Variants in ANO4 observed in about 807,000 individuals in gnomAD.
ANO4 encodes anoctamin 4.
In ANO4, 69 loss-of-function variants were observed where a neutral mutation model predicts 141.9. The observed-to-expected ratio is 0.49, with a 90% CI of 0.40 to 0.59. The LOEUF is 0.59. ANO4 is among the 20% of genes least tolerant of loss of function. The probability of loss-of-function intolerance (pLI) is 0.00; values close to 1 mark genes in which losing one functional copy is unlikely to be tolerated. For synonymous variants in ANO4, 350 were observed against 394.3 expected, an observed-to-expected ratio of 0.89 and a Z score of 1.33; for missense variants, 894 against 1,162.2, an observed-to-expected ratio of 0.77 and a Z score of 3.36.
chr12:100,947,424 A>C (rs1370733462), intron 5 of ANO4, among the ~76,000 whole-genome samples: 1 of 152,200 alleles, frequency 6.6e-6, no homozygotes, highest in Non-Finnish European at 1.5e-5. Flanking sequence ...TGGTAAGGCC[A>C]ACCCTTCACT....
chr12:100,842,928 G>T (rs990919659), intron 1 of ANO4, among the ~76,000 whole-genome samples: 1 of 152,126 alleles, frequency 6.6e-6, no homozygotes, highest in Admixed American at 6.5e-5. Flanking sequence ...TCAAACCATG[G>T]TATATTCTAA....
chr12:101,086,368 T>C (rs1242350778), intron 16 of ANO4, among the ~76,000 whole-genome samples: 1 of 152,168 alleles, frequency 6.6e-6, no homozygotes, highest in Non-Finnish European at 1.5e-5. Context: ...GATTTCCATA[T>C]GAATATTTGT....
At chr12:101,049,875 G>A (rs2047790627) in intron 14 of ANO4, among the ~76,000 whole-genome samples, 1 of 152,150 alleles carries the variant, frequency 6.6e-6, no homozygotes. Context: ...ACCACAGGTT[G>A]GTGAGTGGCC....
chr12:100,775,602 G>A (rs1593309282), intron 3 of ANO4, among the ~76,000 whole-genome samples: 1 of 152,102 alleles, frequency 6.6e-6, no homozygotes, highest in Non-Finnish European at 1.5e-5. Flanking sequence ...TAATGAAAAC[G>A]ATATGGATCT....
intron 7 of ANO4, among the ~76,000 whole-genome samples, chr12:100,985,378 T>G (rs2044663712): frequency 6.6e-6 from 1 of 152,360 alleles, no homozygotes; most frequent in Middle Eastern, 3.4e-3. Flanking sequence ...ATTTCCTGTA[T>G]ACCAGACAGT....
intron 2 of ANO4, among the ~76,000 whole-genome samples, chr12:100,737,496 A>G (rs1370348137): frequency 1.3e-5 from 2 of 152,142 alleles, no homozygotes; most frequent in Non-Finnish European, 2.9e-5. Context: ...CTTTGGCCCT[A>G]TCAGGCCCAC....
intron 26 of ANO4, among the ~76,000 whole-genome samples, chr12:101,122,331 C>T (rs139246527): frequency 6.6e-6 from 1 of 152,162 alleles, no homozygotes; most frequent in Non-Finnish European, 1.5e-5. Context: ...TTCTCCCATT[C>T]TGTACGGTGT....
chr12:101,088,509 C>A (rs1027458962), intron 17 of ANO4, among the ~76,000 whole-genome samples: 1 of 151,916 alleles, frequency 6.6e-6, no homozygotes, highest in East Asian at 1.9e-4. Context: ...AGAAGCTTTT[C>A]TTTATTTTGT....
At chr12:101,070,134 A>T (rs1331333963) in intron 14 of ANO4, among the ~76,000 whole-genome samples, 1 of 152,158 alleles carries the variant, frequency 6.6e-6, no homozygotes, top group Non-Finnish European at 1.5e-5. Flanking sequence ...TAAAAATACC[A>T]ATTATGTGCT....
intron 5 of ANO4, among the ~76,000 whole-genome samples, chr12:100,970,712 TC>T (rs2043893045): frequency 1.5e-5 from 2 of 137,850 alleles, no homozygotes; most frequent in African/African-American, 5.4e-5. Context: ...CTTCCTTCCT[TC>T]CTTCCTTCCT....
chr12:100,859,853 G>C (rs546730092), intron 1 of ANO4, among the ~76,000 whole-genome samples: 10 of 151,968 alleles, frequency 6.6e-5, no homozygotes, highest in Non-Finnish European at 1.0e-4. Flanking sequence ...CACATGAGAG[G>C]TACTGAATAA....
chr12:100,752,207 G>A (rs2032414946), intron 3 of ANO4, among the ~76,000 whole-genome samples: 1 of 151,946 alleles, frequency 6.6e-6, no homozygotes, highest in South Asian at 2.1e-4. Flanking sequence ...CCTGTGCTGG[G>A]CTTCGATGCT....
intron 9 of ANO4, among the ~76,000 whole-genome samples, chr12:101,025,899 C>T (rs1188815920): frequency 2.0e-5 from 3 of 152,148 alleles, no homozygotes; most frequent in African/African-American, 7.2e-5. Flanking sequence ...AAAAACTCAG[C>T]AAACTACTAA....
chr12:101,109,290 C>T (rs1035526544), intron 22 of ANO4, among the ~76,000 whole-genome samples: 6 of 152,102 alleles, frequency 3.9e-5, no homozygotes, highest in Non-Finnish European at 7.3e-5. Flanking sequence ...CGGCTGGGCA[C>T]GGTGACTCAC....
intron 5 of ANO4, 104 bp downstream of exon 5, chr12:100,942,639 T>G: frequency 8.0e-7 from 1 of 1,245,760 alleles, no homozygotes; most frequent in Non-Finnish European, 1.1e-6. Context: ...AACATTTCAT[T>G]TGGTCAGAGT....
At chr12:100,733,886 TA>T (rs1555211424) in intron 2 of ANO4, 2 of 675,790 alleles carry the variant, frequency 3.0e-6, no homozygotes, top group South Asian at 1.6e-5. Flanking sequence ...TTGATTTTTT[TA>T]AAAAAATATT....
intron 5 of ANO4, among the ~76,000 whole-genome samples, chr12:100,945,021 TGAA>T (rs1359199161): frequency 6.6e-6 from 1 of 152,132 alleles, no homozygotes; most frequent in Non-Finnish European, 1.5e-5. Context: ...GGACATAAAA[TGAA>T]GAACTTAGTT....
intron 3 of ANO4, among the ~76,000 whole-genome samples, chr12:100,771,321 A>G (rs1046037028): frequency 5.3e-5 from 8 of 152,214 alleles, no homozygotes; most frequent in Admixed American, 2.0e-4. Flanking sequence ...TGCATAGACC[A>G]GACGGATCTG....
In ANO4 at chr12:100,933,967, G is replaced by C. The variant is rs370110655; in HGVS notation, c.161-5348G>C. The stretch of plus-strand genomic sequence containing the variant: ...GGGGTTGTTTTTTTCTTGTAAATTT[G>C]TTTGAATTCTTTCTAGATTCTGGTT... On this transcript the variant is annotated intron_variant, in intron 3 of 27. Transcript: ENST00000392977. Among the ~76,000 whole-genome samples the C allele has an allele frequency of 6.6e-5, 10 of 152,156 alleles. No homozygotes were observed. In the East Asian group the frequency reaches 1.9e-3, roughly 29 times the overall value.
Sources: allele counts gnomAD v4.1 joint callset (sites outside exome capture counted in the v4.1 genomes callset), GRCh38; gene constraint gnomAD v4.1.1; transcripts MANE v1.5; gene names NCBI Gene and HGNC (gene_info 2026-07-23, HGNC 2026-07-21).